IGLON5: variants seen among roughly 807,000 people sequenced by gnomAD.
IGLON5 encodes the protein IgLON family member 5.
Under a neutral mutation model 38.2 loss-of-function variants are expected in IGLON5, and 16 were observed. That is an observed-to-expected ratio of 0.42 (90% CI 0.28 to 0.64). The LOEUF (loss-of-function observed/expected upper bound fraction) is 0.64, where lower values mean the gene tolerates loss of function less well. IGLON5 is among the 30% of genes least tolerant of loss of function. The probability of loss-of-function intolerance (pLI) is 0.23; values close to 1 mark genes in which losing one functional copy is unlikely to be tolerated. For missense variants in IGLON5, 366 were observed against 483.4 expected (o/e 0.76, Z 2.28); for synonymous variants, 207 against 216.4 (o/e 0.96, Z 0.38).
Position 51,311,879 on chromosome 19 carries a change from G to C in IGLON5, c.32G>C (p.Arg11Pro). 1.5e-6 allele frequency: 2 copies of C among 1,351,054 alleles called. No homozygotes were observed. The highest frequency in any genetic ancestry group is 1.7e-5 in the South Asian group (1 of 58,334). 83.7% of individuals were successfully genotyped at this position (1,351,054 alleles called of 1,614,324 possible). A position where few individuals can be genotyped will look rare whatever the true frequency, so the allele number is the denominator to read the frequency against. The stretch of plus-strand genomic sequence containing the variant: ...CCCCCTGCGCCCGGGGCCCGGCTCC[G>C]GCTTCTCGCCGCCGCCGCCCTGGCC... MPPPAPGARL[R>P]LLAAAALAGL... is the part of the protein sequence containing the mutation. Residue 11 changes from arginine to proline, a missense_variant, in exon 1 of 8, where the codon CGG becomes CCG. Physicochemically the swap from Arg to Pro is moderately radical, Grantham distance 103. Transcript: ENST00000270642.
rs2123534991 is a variant in IGLON5, at chr19:51,326,830, A to G, written c.578A>G (p.Tyr193Cys). 3 of 1,553,930 alleles carry G rather than the reference A, an allele frequency of 1.9e-6. No homozygotes were observed. Among genetic ancestry groups the G allele is most frequent in the Non-Finnish European group, 2.6e-6 (3 of 1,148,688 alleles). ...ATCCAGCGGGGCCAGGCCGGGGAGT[A>G]TGAGTGCGTGACTCACAACGGGGTT... is the stretch of plus-strand genomic sequence containing the variant. ...SDIQRGQAGE[Y>C]ECVTHNGVNS... Residue 193 changes from tyrosine (Y) to cysteine (C), a missense_variant, in exon 5 of 8, where the codon TAT (tyrosine) becomes TGT (cysteine). Coordinates refer to ENST00000270642, the MANE Select transcript of IGLON5 (RefSeq NM_001101372.3).
In IGLON5 at chr19:51,327,077, C is replaced by T; in HGVS notation, c.647-3C>T. 6.2e-7 allele frequency: 1 copy of T among 1,604,664 alleles called. No homozygotes were observed. Among genetic ancestry groups the T allele is most frequent in the Non-Finnish European group, 8.5e-7 (1 of 1,174,404 alleles). On this transcript the variant is annotated splice_region_variant and splice_polypyrimidine_tract_variant and intron_variant, in intron 5 of 7. Coordinates refer to ENST00000270642, the MANE Select transcript of IGLON5 (RefSeq NM_001101372.3). The surrounding 1 kb of genome is among the most constrained non-coding windows in gnomAD (Gnocchi z 7.1). ...GAATTCGCTGACCCTTGCCCCTCGC[C>T]AGATCCTCCGACCATCACGGACGTG...
Position 51,327,707 on chromosome 19 carries a change from G to A in IGLON5, c.768-25G>A. The A allele has an allele frequency of 6.4e-7, 1 of 1,552,086 alleles. No homozygotes were observed. Among genetic ancestry groups the A allele is most frequent in the Non-Finnish European group, 8.7e-7 (1 of 1,154,290 alleles). ...CTGGCCTGGCTGGGCGCTGCGGCCCGGCCCCTGACCCGGATCCCTGGCAGG... is the reference window on the plus strand; with the variant it reads ...CTGGCCTGGCTGGGCGCTGCGGCCCAGCCCCTGACCCGGATCCCTGGCAGG... On this transcript the variant is annotated intron_variant, in intron 6 of 7. Coordinates refer to ENST00000270642, the MANE Select transcript of IGLON5 (RefSeq NM_001101372.3). The surrounding 1 kb of genome is among the most constrained non-coding windows in gnomAD (Gnocchi z 7.1).
chr19:51,313,591 CTT>C (rs1222156368), intron 1 of IGLON5, among the ~76,000 whole-genome samples: 1 of 151,216 alleles, frequency 6.6e-6, no homozygotes, highest in Non-Finnish European at 1.5e-5. Context: ...CTCTTTCCTT[CTT>C]TCTCTTTCCT....
rs1219000481 is a variant in IGLON5, at chr19:51,327,533, G to C, written c.768-199G>C. ...TAGGGGTGCACTACGGGAGAGTCCAGAGTCCTGAGAGGCCAGGGTGCCTGG... is the reference window on the plus strand; with the variant it reads ...TAGGGGTGCACTACGGGAGAGTCCACAGTCCTGAGAGGCCAGGGTGCCTGG... On this transcript the variant is annotated intron_variant, in intron 6 of 7. Transcript: ENST00000270642. The surrounding 1 kb of genome is among the most constrained non-coding windows in gnomAD (Gnocchi z 7.1). 6.6e-6 allele frequency among the ~76,000 whole-genome samples: 1 copy of C among 152,162 alleles called. No homozygotes were observed. The highest frequency in any genetic ancestry group is 2.4e-5 in the African/African-American group (1 of 41,442).
intron 2 of IGLON5, among the ~76,000 whole-genome samples, chr19:51,323,297 C>T (rs1229098189): frequency 6.8e-6 from 1 of 146,802 alleles, no homozygotes; most frequent in African/African-American, 2.5e-5. Flanking sequence ...TGTCTCTGTC[C>T]TTCTCTCTCT....
intron 2 of IGLON5, among the ~76,000 whole-genome samples, chr19:51,322,380 C>CCA (rs1028149053): frequency 6.6e-6 from 1 of 150,450 alleles, no homozygotes; most frequent in African/African-American, 2.5e-5. Flanking sequence ...GGACAGAGAC[C>CCA]CAGAGAGAGA....
rs1984861491 is a variant in IGLON5, at chr19:51,314,350, ATTTTTGTACTTTTAGTAGATACAGGG to A, written c.79+2428_79+2453del. ...AGGTGTGTGCCACCACGCTGGGCTA[ATTTTTGTACTTTTAGTAGATACAGGG>A]TTTCACCATGTTGGCCAGGCTGGTT... On this transcript the variant is annotated intron_variant, in intron 1 of 7. Transcript: ENST00000270642. Among the ~76,000 whole-genome samples the A allele has an allele frequency of 4.6e-5, 7 of 152,052 alleles. No homozygotes were observed. In the South Asian group the frequency reaches 1.5e-3, roughly 32 times the overall value.
intron 1 of IGLON5, among the ~76,000 whole-genome samples, chr19:51,319,282 T>C (rs958202421): frequency 6.8e-6 from 1 of 148,098 alleles, no homozygotes; most frequent in African/African-American, 2.6e-5. Context: ...TGTTGGTGAC[T>C]TTCCAATTCC....
rs759384593 is a variant in IGLON5 at position 51,323,933 on chromosome 19, G to C, written c.391+39G>C. 3 of 1,426,914 alleles carry C rather than the reference G, an allele frequency of 2.1e-6. No homozygotes were observed. The African/African-American group carries it at 4.2e-5, about 20-fold the overall frequency. The allele number at this position is 1,426,914 out of a possible 1,614,324, so 88.4% of individuals were successfully genotyped here. A position where few individuals can be genotyped will look rare whatever the true frequency, so the allele number is the denominator to read the frequency against. On this transcript the variant is annotated intron_variant, in intron 3 of 7. Transcript: ENST00000270642. The stretch of plus-strand genomic sequence containing the variant: ...CGGGGCCTGGCTGGGTGGAGGGGTT[G>C]AGAGCGTGGGGGAGACTAGGCATGA...
Position 51,328,942 on chromosome 19 carries a change from G to A in IGLON5, c.*183G>A, listed in dbSNP as rs1985282175. 2.0e-6 allele frequency: 1 copy of A among 510,038 alleles called. No homozygotes were observed. The highest frequency in any genetic ancestry group is 3.5e-6 in the Non-Finnish European group (1 of 287,442). The allele number at this position is 510,038 out of a possible 1,614,324, so 31.6% of individuals were successfully genotyped here. ...TCTTCAGAGAACCCATCACTGTGAG[G>A]GATAACGCAAAATTATGCATCTTTC... On this transcript the variant is annotated 3_prime_UTR_variant, in exon 8 of 8. Coordinates refer to ENST00000270642, the MANE Select transcript of IGLON5 (RefSeq NM_001101372.3).
rs201159850 is a variant in IGLON5, at chr19:51,325,423, G to A, written c.469G>A (p.Val157Met). 2.1e-4 allele frequency: 344 copies of A among 1,613,754 alleles called. 1 individual carries two copies. The highest frequency in any genetic ancestry group is 7.3e-4 in the Admixed American group (44 of 59,992). The change falls in exon 4 of 8, where the codon GTG (valine) becomes ATG (methionine). Residue 157 changes from valine to methionine, a missense_variant. Val to Met is a conservative substitution (Grantham distance 21, BLOSUM62 1). Transcript: ENST00000270642. This position sits in a 1 kb window ranked among gnomAD's most constrained non-coding sequence, Gnocchi z 5.5. ...GGNVNLLCLAVGRPEPTVTWR... is the reference protein window; with the variant it reads ...GGNVNLLCLAMGRPEPTVTWR... ...CAATGTGAACCTGCTTTGCCTGGCCGTGGGGCGGCCAGAGCCCACGGTCAC... is the reference window on the plus strand; with the variant it reads ...CAATGTGAACCTGCTTTGCCTGGCCATGGGGCGGCCAGAGCCCACGGTCAC...
rs1211993547 is a variant in IGLON5 at position 51,327,044 on chromosome 19, G to A, written c.647-36G>A. 1.2e-6 allele frequency: 2 copies of A among 1,601,414 alleles called. No homozygotes were observed. Among genetic ancestry groups the A allele is most frequent in the Admixed American group, 1.7e-5 (1 of 58,432 alleles). On this transcript the variant is annotated intron_variant, in intron 5 of 7. Coordinates refer to ENST00000270642, the MANE Select transcript of IGLON5 (RefSeq NM_001101372.3). The surrounding 1 kb of genome is among the most constrained non-coding windows in gnomAD (Gnocchi z 7.1). Reference sequence around the variant, plus strand: ...GGGCGGGACCCCTTCGTCCCCACGCGGCTAGGAGAATTCGCTGACCCTTGC... The same window carrying A: ...GGGCGGGACCCCTTCGTCCCCACGCAGCTAGGAGAATTCGCTGACCCTTGC...
In IGLON5 at chr19:51,326,904, C is replaced by A; in HGVS notation, c.646+6C>A. ...CGTGCTGGTCACAGTCAACTGTGAG[C>A]CCCCCTGGCACTGGGCACGAAAGGG... On this transcript the variant is annotated splice_donor_region_variant and intron_variant, in intron 5 of 7. Transcript: ENST00000270642. The A allele has an allele frequency of 6.4e-7, 1 of 1,569,304 alleles. No individual in the cohort carries two copies. Among genetic ancestry groups the A allele is most frequent in the Non-Finnish European group, 8.6e-7 (1 of 1,157,338 alleles).
rs1316055495 is a variant in IGLON5 at position 51,327,561 on chromosome 19, G to C, written c.768-171G>C. On this transcript the variant is annotated intron_variant, in intron 6 of 7. Transcript: ENST00000270642. The surrounding 1 kb of genome is among the most constrained non-coding windows in gnomAD (Gnocchi z 7.1). ...TCCTGAGAGGCCAGGGTGCCTGGAG[G>C]GGGGCGGCGGTGGGAGTGACCCGAG... 3.9e-5 allele frequency among the ~76,000 whole-genome samples: 6 copies of C among 152,172 alleles called. No homozygotes were observed. In the South Asian group the frequency reaches 1.0e-3, roughly 26 times the overall value.
chr19:51,326,307 C>A (rs1480934250), intron 4 of IGLON5, among the ~76,000 whole-genome samples: 4 of 152,126 alleles, frequency 2.6e-5, no homozygotes, highest in Admixed American at 2.6e-4. Flanking sequence ...ATGAGACCCC[C>A]ATATACTTGG....
chr19:51,316,640 C>T (rs983500418), intron 1 of IGLON5, among the ~76,000 whole-genome samples: 10 of 151,990 alleles, frequency 6.6e-5, no homozygotes, highest in African/African-American at 1.9e-4. Flanking sequence ...ACTACAAGCA[C>T]ATGCCACCAT....
chr19:51,323,911 G>C lies in IGLON5; in HGVS notation c.391+17G>C, dbSNP rs186045247. 180 of 1,567,712 alleles carry C rather than the reference G, an allele frequency of 1.1e-4. No individual in the cohort carries two copies. The African/African-American group carries it at 2.2e-3, about 19-fold the overall frequency. On this transcript the variant is annotated intron_variant, in intron 3 of 7. Coordinates refer to ENST00000270642, the MANE Select transcript of IGLON5 (RefSeq NM_001101372.3). ...TTGTCCACGGTGAGCCCTTGGCCGG[G>C]GCCTGGCTGGGTGGAGGGGTTGAGA...
At chr19:51,314,071 C>A (rs1984850612) in intron 1 of IGLON5, among the ~76,000 whole-genome samples, 1 of 151,690 alleles carries the variant, frequency 6.6e-6, no homozygotes, top group African/African-American at 2.4e-5. Flanking sequence ...TTGTCTTCTT[C>A]TTCCTCCTCT....
Sources: gnomAD v4.1 joint callset for allele counts (sites outside exome capture counted in the v4.1 genomes callset) on GRCh38, gnomAD v4.1.1 for gene constraint, Gnocchi (gnomAD v3.1) non-coding constraint, MANE v1.5 for transcripts, NCBI Gene and HGNC (gene_info 2026-07-23, HGNC 2026-07-21) for gene names.